TNFAIP6: variants seen among roughly 807,000 people sequenced by gnomAD.
The protein encoded by TNFAIP6 is TNF alpha induced protein 6, also known as tumor necrosis factor-inducible gene 6 protein.
TNFAIP6 carries 36 observed loss-of-function variants against 33.7 expected under a neutral mutation model. The ratio of observed to expected loss-of-function variants is 1.07; its 90% CI spans 0.82 to 1.41. TNFAIP6 has a LOEUF of 1.41. Among genes scored for constraint, TNFAIP6 ranks in the 40% most tolerant of loss-of-function variants. TNFAIP6 has a pLI of 0.00. For missense variants in TNFAIP6, 273 were observed against 331.9 expected, an observed-to-expected ratio of 0.82 and a Z score of 1.38; for synonymous variants, 113 against 112.8, an observed-to-expected ratio of 1.00 and a Z score of -0.01.
At chr2:151,373,743 G>T in intron 5 of TNFAIP6, 154 bp downstream of exon 5, 5 of 237,632 alleles carry the variant, frequency 2.1e-5, no homozygotes, top group East Asian at 6.4e-5. Flanking sequence ...GTTGTAAAAT[G>T]CAAAAAAAAA....
intron 5 of TNFAIP6, among the ~76,000 whole-genome samples, chr2:151,376,407 AT>A (rs1684906715): frequency 8.0e-6 from 1 of 125,070 alleles, no homozygotes; most frequent in Non-Finnish European, 1.7e-5. Context: ...AGACAGAGTG[AT>A]ATTCTGTCTC....
intron 5 of TNFAIP6, among the ~76,000 whole-genome samples, chr2:151,378,564 C>T (rs1684957789): frequency 6.6e-6 from 1 of 151,654 alleles, no homozygotes. Flanking sequence ...TCTTGGCTCA[C>T]TGCAACCTCC....
intron 5 of TNFAIP6, among the ~76,000 whole-genome samples, chr2:151,375,707 CAA>C (rs751669722): frequency 3.2e-5 from 4 of 126,782 alleles, no homozygotes; most frequent in Admixed American, 8.0e-5. Flanking sequence ...GACCCCATCT[CAA>C]AAAAAAAAAA....
chr2:151,366,191 G>A lies in TNFAIP6; in HGVS notation c.368G>A (p.Trp123Ter). The change falls in exon 3 of 6, where the codon TGG becomes TAG. Residue 123 changes from tryptophan to a stop codon, truncating the protein, a stop_gained. Transcript: ENST00000243347. LOFTEE classifies it high-confidence loss of function. ...ATCCGTCTCAATAGGAGTGAAAGAT[G>A]GGATGCCTATTGCTACAACCCACAC... The part of the protein sequence containing the change: ...YGIRLNRSER[W>*]DAYCYNPHAK... 2 of 1,614,048 alleles carry A rather than the reference G, an allele frequency of 1.2e-6. No homozygotes were observed. The highest frequency in any genetic ancestry group is 1.7e-6 in the Non-Finnish European group (2 of 1,179,966).
intron 4 of TNFAIP6, among the ~76,000 whole-genome samples, chr2:151,371,597 T>TTTTTTC (rs1573784167): frequency 6.6e-6 from 1 of 151,680 alleles, no homozygotes. Flanking sequence ...TTTTTTCTTT[T>TTTTTTC]TTTTTTTCTT....
At chr2:151,369,515 T>C (rs1684775216) in intron 3 of TNFAIP6, among the ~76,000 whole-genome samples, 1 of 152,030 alleles carries the variant, frequency 6.6e-6, no homozygotes, top group African/African-American at 2.4e-5. Context: ...GGCTCATGTT[T>C]ATAATCTCAG....
At chr2:151,375,360 A>G (rs1447582918) in intron 5 of TNFAIP6, among the ~76,000 whole-genome samples, 1 of 152,150 alleles carries the variant, frequency 6.6e-6, no homozygotes, top group Non-Finnish European at 1.5e-5. Flanking sequence ...CAGGAAGAGG[A>G]CATTGATACA....
chr2:151,368,705 C>A (rs904294499), intron 3 of TNFAIP6, among the ~76,000 whole-genome samples: 10 of 151,520 alleles, frequency 6.6e-5, no homozygotes, highest in Admixed American at 5.9e-4. Flanking sequence ...TAAATTATTC[C>A]TTTTAAGTGG....
In TNFAIP6 at chr2:151,370,043, A is replaced by T. The variant is rs1208305017; in HGVS notation, c.418A>T (p.Thr140Ser). ...PHAKECGGVF[T>S]DPKQIFKSPG... ...AGCAAAGGAGTGTGGTGGCGTCTTT[A>T]CAGATCCAAAGCAAATTTTTAAATC... is the stretch of plus-strand genomic sequence containing the variant. The change falls in exon 4 of 6, where the codon ACA becomes TCA. Residue 140 changes from threonine to serine, a missense_variant. Coordinates refer to ENST00000243347, the MANE Select transcript of TNFAIP6 (RefSeq NM_007115.4). 1.2e-6 allele frequency: 2 copies of T among 1,613,860 alleles called. No homozygotes were observed. Among genetic ancestry groups the T allele is most frequent in the Non-Finnish European group, 1.7e-6 (2 of 1,179,946 alleles).
intron 1 of TNFAIP6, among the ~76,000 whole-genome samples, chr2:151,363,354 T>A (rs945989266): frequency 6.0e-5 from 9 of 151,130 alleles, no homozygotes; most frequent in African/African-American, 1.9e-4. Flanking sequence ...TATTTCAGGC[T>A]ATCGATCAAA....
chr2:151,371,707 G>A (rs544586623), intron 4 of TNFAIP6, among the ~76,000 whole-genome samples: 1 of 151,372 alleles, frequency 6.6e-6, no homozygotes, highest in South Asian at 2.1e-4. Context: ...CAATTCTCCT[G>A]CCCCAGCATC....
At chr2:151,363,842 A>G in intron 1 of TNFAIP6, 101 bp from the exon 2 acceptor site, 1 of 1,429,094 alleles carries the variant, frequency 7.0e-7, no homozygotes, top group Non-Finnish European at 9.3e-7. Flanking sequence ...GCCCTTTGGC[A>G]GGAACAATAG....
intron 5 of TNFAIP6, among the ~76,000 whole-genome samples, chr2:151,378,545 A>G (rs932431880): frequency 7.9e-5 from 12 of 151,244 alleles, no homozygotes; most frequent in Non-Finnish European, 1.5e-5. Context: ...CTGGAGTGCA[A>G]TGGCAGAATC....
chr2:151,374,680 C>T (rs1191775273), intron 5 of TNFAIP6, among the ~76,000 whole-genome samples: 1 of 152,216 alleles, frequency 6.6e-6, no homozygotes, highest in Non-Finnish European at 1.5e-5. Context: ...TACAAACTCC[C>T]TTAAGAAAGA....
intron 1 of TNFAIP6, among the ~76,000 whole-genome samples, chr2:151,362,077 T>A (rs748741251): frequency 4.6e-5 from 7 of 152,314 alleles, no homozygotes; most frequent in Non-Finnish European, 8.8e-5. Context: ...CAAATGGTCC[T>A]AAGGGTGGCT....
chr2:151,365,484 C>T (rs1368103789), intron 2 of TNFAIP6, among the ~76,000 whole-genome samples: 1 of 151,516 alleles, frequency 6.6e-6, no homozygotes, highest in Non-Finnish European at 1.5e-5. Flanking sequence ...ACTAAAAATA[C>T]AAAAATTAGC....
chr2:151,372,010 C>T (rs1684823684), intron 4 of TNFAIP6: 1 of 152,344 alleles, frequency 6.6e-6, no homozygotes, highest in Non-Finnish European at 1.5e-5. Context: ...CAGGCAGGCA[C>T]ACCTGTGGTC....
intron 1 of TNFAIP6, among the ~76,000 whole-genome samples, chr2:151,362,616 G>A (rs905599677): frequency 6.9e-6 from 1 of 144,484 alleles, no homozygotes; most frequent in Non-Finnish European, 1.5e-5. Context: ...TCAGCCTCCC[G>A]AGTAGCTGGG....
intron 1 of TNFAIP6, among the ~76,000 whole-genome samples, 180 bp from the exon 2 acceptor site, chr2:151,363,761 CCT>C (rs1684666885): frequency 6.6e-6 from 1 of 152,150 alleles, no homozygotes; most frequent in Non-Finnish European, 1.5e-5. Flanking sequence ...TAAAATTCCC[CCT>C]CATTCAGATT....
Sources: gnomAD v4.1 joint callset for allele counts (sites outside exome capture counted in the v4.1 genomes callset) on GRCh38, gnomAD v4.1.1 for gene constraint, MANE v1.5 for transcripts, NCBI Gene and HGNC (gene_info 2026-07-23, HGNC 2026-07-21) for gene names.